NEDD4L: variants seen among roughly 807,000 people sequenced by gnomAD.
NEDD4L encodes the protein E3 ubiquitin-protein ligase NEDD4-like.
A neutral mutation model predicts 148.9 loss-of-function variants in NEDD4L; 54 were observed. The ratio of observed to expected loss-of-function variants is 0.36; its 90% confidence interval spans 0.29 to 0.45. The LOEUF (loss-of-function observed/expected upper bound fraction) is 0.45. NEDD4L is among the 20% of genes least tolerant of loss of function. NEDD4L has a pLI of 1.00. For synonymous variants in NEDD4L, 433 were observed against 440.7 expected (o/e 0.98, Z 0.22); for missense variants, 856 against 1,233.8 (o/e 0.69, Z 4.59).
Position 58,251,527 on chromosome 18 carries a change from C to G in NEDD4L, c.244-474C>G, listed in dbSNP as rs1396743980. Among the ~76,000 whole-genome samples the G allele has an allele frequency of 2.6e-5, 4 of 151,602 alleles. No individual in the cohort carries two copies. The East Asian group carries it at 7.8e-4, about 30-fold the overall frequency. ...AGACCGTCTGTCTCTGTCTGTCTGT[C>G]TGTGTGTTTGTGTGTATGTGTGTGT... On this transcript the variant is annotated intron_variant, in intron 4 of 30. Coordinates refer to ENST00000400345, the MANE Select transcript of NEDD4L (RefSeq NM_001144967.3).
intron 1 of NEDD4L, among the ~76,000 whole-genome samples, chr18:58,060,618 A>G (rs2144679894): frequency 6.6e-6 from 1 of 152,240 alleles, no homozygotes; most frequent in Middle Eastern, 3.4e-3. Flanking sequence ...AGGTGTCTAG[A>G]ATAATCCCTA....
rs757843851 is a variant in NEDD4L at position 58,342,907 on chromosome 18, G to A, written c.1379G>A (p.Gly460Asp). ...PTVTLSAPLE[G>D]AKDSPVRRAV... ...CTAATCCTCATTGTTATTCTTTAGG[G>A]TGCCAAGGACTCACCCGTACGTCGG... is the stretch of plus-strand genomic sequence containing the variant. The change falls in exon 16 of 31, where the codon GGT (glycine) becomes GAT (aspartate). Residue 460 changes from glycine to aspartate, a missense_variant and splice_region_variant. Gly to Asp is a moderately conservative substitution (Grantham distance 94). Transcript: ENST00000400345. The A allele has an allele frequency of 6.9e-6, 11 of 1,599,086 alleles. No homozygotes were observed. Among genetic ancestry groups the A allele is most frequent in the Non-Finnish European group, 9.4e-6 (11 of 1,172,588 alleles).
chr18:58,082,102 ATTTTT>A (rs1192932128), intron 1 of NEDD4L, among the ~76,000 whole-genome samples: 2 of 48,832 alleles, frequency 4.1e-5, no homozygotes, highest in Non-Finnish European at 6.3e-5. Flanking sequence ...ATATATATAT[ATTTTT>A]TTTTTTTTTT....
chr18:58,049,462 A>G (rs2081753730), intron 1 of NEDD4L, among the ~76,000 whole-genome samples: 1 of 152,170 alleles, frequency 6.6e-6, no homozygotes, highest in Non-Finnish European at 1.5e-5. Flanking sequence ...TTTTGCTTGG[A>G]TCTCAAGGTG....
intron 2 of NEDD4L, among the ~76,000 whole-genome samples, chr18:58,224,321 G>A (rs1021984188): frequency 6.6e-6 from 1 of 152,188 alleles, no homozygotes; most frequent in African/African-American, 2.4e-5. Flanking sequence ...CTGGGGGTGT[G>A]ATCTTTGAGC....
At chr18:58,257,273 G>C (rs557916746) in intron 5 of NEDD4L, among the ~76,000 whole-genome samples, 1 of 152,240 alleles carries the variant, frequency 6.6e-6, no homozygotes, top group Admixed American at 6.5e-5. Flanking sequence ...AAGTTTAGTG[G>C]AATTTGATTA....
chr18:58,275,059 T>C (rs1455650171), intron 5 of NEDD4L, among the ~76,000 whole-genome samples: 1 of 152,192 alleles, frequency 6.6e-6, no homozygotes, highest in Non-Finnish European at 1.5e-5. Flanking sequence ...TAACACATAG[T>C]TGAAAATCTT....
intron 19 of NEDD4L, among the ~76,000 whole-genome samples, chr18:58,358,461 TC>T (rs1244658187): frequency 1.3e-5 from 2 of 152,230 alleles, no homozygotes; most frequent in African/African-American, 4.8e-5. Flanking sequence ...AAGAAACTAT[TC>T]TTTTTAAGTG....
chr18:58,395,303 A>G (rs2050342999), intron 30 of NEDD4L, among the ~76,000 whole-genome samples: 1 of 152,200 alleles, frequency 6.6e-6, no homozygotes, highest in Non-Finnish European at 1.5e-5. Flanking sequence ...CCATGTAGAC[A>G]TACAGTAAAT....
intron 1 of NEDD4L, among the ~76,000 whole-genome samples, chr18:58,054,063 A>T (rs1236912863): frequency 6.6e-6 from 1 of 152,218 alleles, no homozygotes; most frequent in African/African-American, 2.4e-5. Context: ...GTTCGTGTTG[A>T]ATGGGTTTTA....
intron 9 of NEDD4L, among the ~76,000 whole-genome samples, chr18:58,327,325 G>T (rs2059398130): frequency 6.6e-6 from 1 of 152,174 alleles, no homozygotes; most frequent in African/African-American, 2.4e-5. Context: ...TCAAACTCCT[G>T]ACCTCAGGTG....
chr18:58,363,363 A>G (rs561929385), intron 19 of NEDD4L, among the ~76,000 whole-genome samples: 16 of 152,330 alleles, frequency 1.1e-4, no homozygotes, highest in African/African-American at 3.8e-4. Flanking sequence ...CTCTGCTGAA[A>G]TTCATACTAG....
At chr18:58,367,967 G>A in intron 22 of NEDD4L, 100 bp downstream of exon 22, 1 of 1,259,090 alleles carries the variant, frequency 7.9e-7, no homozygotes, top group Admixed American at 2.2e-5. Context: ...AGCTTCACTG[G>A]TTTACTCATA....
At chr18:58,261,502 C>G (rs2049377508) in intron 5 of NEDD4L, among the ~76,000 whole-genome samples, 1 of 152,168 alleles carries the variant, frequency 6.6e-6, no homozygotes, top group South Asian at 2.1e-4. Context: ...AGAGAGTTTT[C>G]ATAAATGGTG....
At chr18:58,128,696 T>C (rs898295889) in intron 1 of NEDD4L, among the ~76,000 whole-genome samples, 5 of 152,226 alleles carry the variant, frequency 3.3e-5, no homozygotes, top group Non-Finnish European at 7.3e-5. Context: ...GCTTGCTGTT[T>C]CTGTGTGTAA....
At chr18:58,279,782 A>C (rs931546444) in intron 5 of NEDD4L, among the ~76,000 whole-genome samples, 2 of 152,222 alleles carry the variant, frequency 1.3e-5, no homozygotes, top group African/African-American at 4.8e-5. Flanking sequence ...ACTTTCTGTA[A>C]AAGGCCAGAT....
chr18:58,384,408 G>A (rs539381592), intron 25 of NEDD4L, among the ~76,000 whole-genome samples: 3 of 152,268 alleles, frequency 2.0e-5, no homozygotes, highest in Admixed American at 1.3e-4. Flanking sequence ...TGGCACTCTC[G>A]TTCTGAATAT....
intron 1 of NEDD4L, among the ~76,000 whole-genome samples, chr18:58,148,339 A>G (rs2034326409): frequency 6.6e-6 from 1 of 151,250 alleles, no homozygotes; most frequent in Admixed American, 6.6e-5. Flanking sequence ...TACTTTTTAT[A>G]TTTTTTAGTA....
chr18:58,207,785 T>G (rs1462607195), intron 2 of NEDD4L, among the ~76,000 whole-genome samples: 2 of 152,172 alleles, frequency 1.3e-5, no homozygotes, highest in Non-Finnish European at 2.9e-5. Flanking sequence ...TTTTTGTTCA[T>G]GGAAGGTGGA....
Sources: gnomAD v4.1 joint callset for allele counts (sites outside exome capture counted in the v4.1 genomes callset) on GRCh38, gnomAD v4.1.1 for gene constraint, MANE v1.5 for transcripts, NCBI Gene and HGNC (gene_info 2026-07-23, HGNC 2026-07-21) for gene names.